The following ROBO1 variants were observed in gnomAD, a reference collection of about 807,000 sequenced individuals.
ROBO1 encodes roundabout homolog 1.
A neutral mutation model predicts 195.9 loss-of-function variants in ROBO1; 149 were observed. The observed-to-expected ratio is 0.76, with a 90% CI of 0.67 to 0.87. The LOEUF is 0.87. Ranked by LOEUF, ROBO1 falls within the 40% of genes least tolerant of loss-of-function variation. The pLI is 0.00. For missense variants in ROBO1, 1,933 were observed against 2,068.3 expected (o/e 0.93, Z 1.27); for synonymous variants, 816 against 733.2 (o/e 1.11, Z -1.82).
rs9857837 is a variant in ROBO1, at chr3:78,830,632, G to A, written c.500-83732C>T. Among the ~76,000 whole-genome samples the A allele has an allele frequency of 3.4e-3, 521 of 152,280 alleles. 1 individual carries two copies. Among genetic ancestry groups the A allele is most frequent in the Middle Eastern group, 6.8e-3 (2 of 294 alleles). Reference sequence around the variant, plus strand: ...TGAGAACTAACTCACTATCATGAGAGCAGGATTGGGGAAACCGTTTCCATA... The same window carrying A: ...TGAGAACTAACTCACTATCATGAGAACAGGATTGGGGAAACCGTTTCCATA... On this transcript the variant is annotated intron_variant, in intron 4 of 30. Coordinates refer to ENST00000464233, the MANE Select transcript of ROBO1 (RefSeq NM_002941.4).
intron 2 of ROBO1, among the ~76,000 whole-genome samples, chr3:79,325,224 C>T (rs902339324): frequency 3.9e-5 from 6 of 152,072 alleles, no homozygotes; most frequent in Non-Finnish European, 7.4e-5. Flanking sequence ...AACTTTCTCC[C>T]GGCCAACAGG....
intron 1 of ROBO1, among the ~76,000 whole-genome samples, chr3:79,763,720 G>C (rs1333159238): frequency 6.6e-6 from 1 of 152,148 alleles, no homozygotes; most frequent in African/African-American, 2.4e-5. Flanking sequence ...AGGCAGGGTG[G>C]CAGATAGGGG....
At chr3:79,690,273 TG>T (rs1380430110) in intron 1 of ROBO1, among the ~76,000 whole-genome samples, 2 of 151,966 alleles carry the variant, frequency 1.3e-5, no homozygotes, top group Non-Finnish European at 2.9e-5. Context: ...ATTGTCCAGA[TG>T]GGCCTAATCT....
chr3:78,715,285 C>T (rs1321097717), intron 7 of ROBO1: 3 of 152,168 alleles, frequency 2.0e-5, no homozygotes, highest in Non-Finnish European at 4.4e-5. Context: ...CTTCCCCTAA[C>T]ATAAACCAAC....
chr3:79,134,364 C>A (rs558909633), intron 2 of ROBO1, among the ~76,000 whole-genome samples: 1 of 108,388 alleles, frequency 9.2e-6, no homozygotes, highest in Admixed American at 1.1e-4. Flanking sequence ...GTTAGAATGG[C>A]AATCATTAAA....
chr3:78,826,167 T>C (rs2031578597), intron 4 of ROBO1, among the ~76,000 whole-genome samples: 1 of 152,196 alleles, frequency 6.6e-6, no homozygotes, highest in South Asian at 2.1e-4. Flanking sequence ...AAAGGAACTC[T>C]GCTTCAGTAA....
At chr3:79,324,837 G>A (rs1486908899) in intron 2 of ROBO1, among the ~76,000 whole-genome samples, 4 of 152,308 alleles carry the variant, frequency 2.6e-5, no homozygotes, top group East Asian at 1.9e-4. Context: ...ACGTTCTGAT[G>A]TATGCTTTAG....
At chr3:78,668,403 A>G in intron 12 of ROBO1, 81 bp downstream of exon 12, 2 of 1,584,628 alleles carry the variant, frequency 1.3e-6, no homozygotes, top group East Asian at 2.2e-5. Context: ...AGGGAAGAGG[A>G]CATTTACTTC....
At chr3:79,181,922 T>G (rs2081347865) in intron 2 of ROBO1, among the ~76,000 whole-genome samples, 4 of 124,672 alleles carry the variant, frequency 3.2e-5, no homozygotes, top group African/African-American at 9.9e-5. Flanking sequence ...CGAGATCTTG[T>G]GCCAAAAAAA....
At chr3:79,367,322 G>C (rs556139930) in intron 2 of ROBO1, among the ~76,000 whole-genome samples, 6 of 152,112 alleles carry the variant, frequency 3.9e-5, no homozygotes, top group Non-Finnish European at 2.9e-5. Context: ...TGGCTCAGGG[G>C]CCACCTACAA....
chr3:79,162,060 A>C (rs1240486603), intron 2 of ROBO1, among the ~76,000 whole-genome samples: 1 of 151,606 alleles, frequency 6.6e-6, no homozygotes, highest in Non-Finnish European at 1.5e-5. Context: ...TTTTTTTTCT[A>C]CTGTTTTGAA....
intron 4 of ROBO1, among the ~76,000 whole-genome samples, chr3:78,910,855 G>A (rs1227905279): frequency 6.6e-6 from 1 of 151,966 alleles, no homozygotes; most frequent in Admixed American, 6.6e-5. Flanking sequence ...CTCAGTGTGT[G>A]TTCTCTGAAC....
At chr3:78,681,020 C>A (rs892776309) in intron 10 of ROBO1, among the ~76,000 whole-genome samples, 1 of 151,722 alleles carries the variant, frequency 6.6e-6, no homozygotes, top group African/African-American at 2.4e-5. Context: ...ATGATGAGTT[C>A]ATGTCCTTTG....
chr3:79,590,073 G>T, intron 1 of ROBO1, 112 bp from the exon 2 acceptor site: 1 of 516,416 alleles, frequency 1.9e-6, no homozygotes, highest in Non-Finnish European at 3.5e-6. Flanking sequence ...TTGAAATAAT[G>T]AAACAAAATT....
At chr3:79,060,332 T>C (rs2078893037) in intron 3 of ROBO1, among the ~76,000 whole-genome samples, 1 of 151,976 alleles carries the variant, frequency 6.6e-6, no homozygotes, top group East Asian at 1.9e-4. Flanking sequence ...GCCCGTGTGA[T>C]ATTTTATTGC....
intron 4 of ROBO1, among the ~76,000 whole-genome samples, chr3:78,904,326 C>A (rs2037763307): frequency 1.3e-5 from 2 of 152,000 alleles, no homozygotes; most frequent in South Asian, 4.1e-4. Flanking sequence ...CTAAAAGGAA[C>A]ATATAATCCA....
At chr3:79,480,016 C>A (rs1938753621) in intron 2 of ROBO1, among the ~76,000 whole-genome samples, 1 of 152,100 alleles carries the variant, frequency 6.6e-6, no homozygotes, top group African/African-American at 2.4e-5. Context: ...TCTAAGCAAA[C>A]CACAATGAGA....
chr3:79,304,088 A>C (rs1303751285), intron 2 of ROBO1, among the ~76,000 whole-genome samples: 1 of 152,184 alleles, frequency 6.6e-6, no homozygotes, highest in Non-Finnish European at 1.5e-5. Flanking sequence ...AGATGGAAAA[A>C]CCTTTTGATA....
intron 10 of ROBO1, among the ~76,000 whole-genome samples, chr3:78,673,419 C>G (rs553831961): frequency 2.7e-4 from 38 of 143,200 alleles, no homozygotes; most frequent in Admixed American, 5.7e-4. Flanking sequence ...GTTACACCAC[C>G]TGTTATAAAT....
Sources: allele counts gnomAD v4.1 joint callset (sites outside exome capture counted in the v4.1 genomes callset), GRCh38; gene constraint gnomAD v4.1.1; transcripts MANE v1.5; gene names NCBI Gene and HGNC (gene_info 2026-07-23, HGNC 2026-07-21).